CDH23: variants seen among roughly 807,000 people sequenced by gnomAD.
The protein encoded by CDH23 is cadherin related 23, also known as cadherin-23.
CDH23 carries 189 observed loss-of-function variants against 317.1 expected under a neutral mutation model. The observed-to-expected ratio is 0.60, with a 90% CI of 0.53 to 0.67. The LOEUF is 0.67. CDH23 is among the 30% of genes least tolerant of loss of function. The pLI, the probability that CDH23 is intolerant of heterozygous loss-of-function variation, is 0.00. For missense variants in CDH23, 4,401 were observed against 4,592.4 expected, an observed-to-expected ratio of 0.96 and a Z score of 1.20; for synonymous variants, 1,839 against 1,876.8, an observed-to-expected ratio of 0.98 and a Z score of 0.52.
In CDH23 at chr10:71,463,190, C is replaced by T. The variant is rs12049677; in HGVS notation, c.145+16795C>T. Among the ~76,000 whole-genome samples, 113 of 152,234 alleles carry T rather than the reference C, an allele frequency of 7.4e-4. No homozygotes were observed. In the East Asian group the frequency reaches 0.017, roughly 23 times the overall value. On this transcript the variant is annotated intron_variant, in intron 3 of 69. Coordinates refer to ENST00000224721, the MANE Select transcript of CDH23 (RefSeq NM_022124.6). ...ATTTGAGAAATGGCAGTAAAGAGGC[C>T]GCGTTCTGAAATTAGATCGGGACCA...
intron 9 of CDH23, among the ~76,000 whole-genome samples, chr10:71,593,347 C>A (rs572147586): frequency 1.3e-5 from 2 of 152,160 alleles, no homozygotes; most frequent in Non-Finnish European, 2.9e-5. Context: ...GATTCAAGAC[C>A]TAAATGTGAA....
intron 1 of CDH23, among the ~76,000 whole-genome samples, chr10:71,402,997 C>T (rs953237802): frequency 6.6e-6 from 1 of 152,130 alleles, no homozygotes; most frequent in Non-Finnish European, 1.5e-5. Context: ...TGGCGGGTGC[C>T]TGTAGTCCCA....
chr10:71,606,333 A>G (rs2132489411), intron 9 of CDH23, among the ~76,000 whole-genome samples: 1 of 152,368 alleles, frequency 6.6e-6, no homozygotes, highest in Admixed American at 6.5e-5. Context: ...GAGATGGCTC[A>G]GCTCAAACAA....
chr10:71,809,616 A>T (rs1304119676), intron 60 of CDH23, among the ~76,000 whole-genome samples: 2 of 152,160 alleles, frequency 1.3e-5, no homozygotes, highest in Non-Finnish European at 2.9e-5. Flanking sequence ...CTCCCCTGTG[A>T]TGATAACCGG....
chr10:71,773,632 C>T (rs1840744661), intron 38 of CDH23: 2 of 478,856 alleles, frequency 4.2e-6, no homozygotes, highest in Non-Finnish European at 7.1e-6. Flanking sequence ...CTCCGAGGGC[C>T]GCGTGGGAGG....
chr10:71,795,910 C>T (rs1054468319), intron 48 of CDH23: 3 of 986,196 alleles, frequency 3.0e-6, no homozygotes, highest in Admixed American at 6.1e-5. Flanking sequence ...TTCCTCCATG[C>T]CCACCACACC....
At chr10:71,767,583 GA>G (rs1295667373) in intron 38 of CDH23, among the ~76,000 whole-genome samples, 1 of 152,214 alleles carries the variant, frequency 6.6e-6, no homozygotes, top group African/African-American at 2.4e-5. Context: ...GGGGCTGTAG[GA>G]AAAGACTATG....
chr10:71,618,700 G>T (rs1861317439), intron 11 of CDH23, among the ~76,000 whole-genome samples: 1 of 152,154 alleles, frequency 6.6e-6, no homozygotes, highest in Non-Finnish European at 1.5e-5. Context: ...CCACCCTGTT[G>T]ACCCAGGAGC....
chr10:71,586,097 C>A (rs1320528775), intron 9 of CDH23, among the ~76,000 whole-genome samples: 1 of 152,194 alleles, frequency 6.6e-6, no homozygotes, highest in African/African-American at 2.4e-5. Flanking sequence ...CTGGGCAAAG[C>A]ATGGACTGCA....
intron 3 of CDH23, among the ~76,000 whole-genome samples, chr10:71,507,755 A>G (rs995358386): frequency 6.6e-6 from 1 of 152,244 alleles, no homozygotes; most frequent in Non-Finnish European, 1.5e-5. Flanking sequence ...TCGTTTTAGT[A>G]TAAAACATTT....
At chr10:71,608,971 C>T (rs2132496622) in intron 9 of CDH23, among the ~76,000 whole-genome samples, 1 of 152,306 alleles carries the variant, frequency 6.6e-6, no homozygotes, top group East Asian at 1.9e-4. Flanking sequence ...AGTCATCAGC[C>T]TGTGTTCCCG....
At chr10:71,471,516 G>A (rs1007933773) in intron 3 of CDH23, among the ~76,000 whole-genome samples, 1 of 147,250 alleles carries the variant, frequency 6.8e-6, no homozygotes, top group African/African-American at 2.6e-5. Context: ...CCTCATATTT[G>A]CTTTATGACC....
At chr10:71,448,487 C>T (rs1314985582) in intron 3 of CDH23, among the ~76,000 whole-genome samples, 1 of 152,184 alleles carries the variant, frequency 6.6e-6, no homozygotes, top group Non-Finnish European at 1.5e-5. Context: ...TGGAAGATAG[C>T]TATGCTCTTC....
chr10:71,524,028 T>A (rs551568345), intron 6 of CDH23, among the ~76,000 whole-genome samples: 2 of 152,220 alleles, frequency 1.3e-5, no homozygotes, highest in Admixed American at 1.3e-4. Context: ...TCCCCTGGGA[T>A]CTTCCATTCC....
At chr10:71,432,726 G>T (rs1042973206) in intron 1 of CDH23, among the ~76,000 whole-genome samples, 2 of 152,186 alleles carry the variant, frequency 1.3e-5, no homozygotes, top group African/African-American at 4.8e-5. Flanking sequence ...CCTGGTGATG[G>T]GAGCAATCCG....
chr10:71,560,693 T>C (rs1256753923), intron 6 of CDH23, among the ~76,000 whole-genome samples: 1 of 151,930 alleles, frequency 6.6e-6, no homozygotes, highest in Admixed American at 6.6e-5. Context: ...AGAATCCCAC[T>C]AGCCCCTCTC....
intron 14 of CDH23, among the ~76,000 whole-genome samples, chr10:71,654,090 A>G (rs1388198313): frequency 6.6e-6 from 1 of 152,182 alleles, no homozygotes; most frequent in African/African-American, 2.4e-5. Flanking sequence ...GAACACAGAG[A>G]AAGGTTAAAC....
At chr10:71,741,992 A>G in intron 38 of CDH23, 71 bp downstream of exon 38, 1 of 1,222,618 alleles carries the variant, frequency 8.2e-7, no homozygotes, top group Non-Finnish European at 1.1e-6. Context: ...TGAGGGGAAC[A>G]AGATGGGTGA....
Position 71,810,657 on chromosome 10 carries a change from A to T in CDH23, c.9077+88A>T, listed in dbSNP as rs1048979225. The T allele has an allele frequency of 1.7e-5, 20 of 1,162,048 alleles. No individual in the cohort carries two copies. In the African/African-American group the frequency reaches 2.0e-4, roughly 11 times the overall value. The allele number at this position is 1,162,048 out of a possible 1,614,324, so 72.0% of individuals were successfully genotyped here. A position where few individuals can be genotyped will look rare whatever the true frequency, so the allele number is the denominator to read the frequency against. ...TAGGGGAGGGGACACACCAAAGGAG[A>T]CACAGACCACACCATCAGGCCCACT... is the stretch of plus-strand genomic sequence containing the variant. On this transcript the variant is annotated intron_variant, in intron 62 of 69. Coordinates refer to ENST00000224721, the MANE Select transcript of CDH23 (RefSeq NM_022124.6).
Sources: gnomAD v4.1 joint callset for allele counts (sites outside exome capture counted in the v4.1 genomes callset) on GRCh38, gnomAD v4.1.1 for gene constraint, MANE v1.5 for transcripts, NCBI Gene and HGNC (gene_info 2026-07-23, HGNC 2026-07-21) for gene names.